Variants in CYP27A1 observed in about 807,000 individuals in gnomAD.
The protein encoded by CYP27A1 is sterol 26-hydroxylase, mitochondrial.
CYP27A1 carries 46 observed loss-of-function variants against 58.2 expected under a neutral mutation model. The observed-to-expected ratio is 0.79, with a 90% confidence interval of 0.62 to 1.01. The LOEUF (loss-of-function observed/expected upper bound fraction) is 1.01. Ranked by LOEUF, CYP27A1 falls within the 50% of genes least tolerant of loss-of-function variation. The pLI, the probability that CYP27A1 is intolerant of heterozygous loss-of-function variation, is 0.00. For synonymous variants in CYP27A1, 274 were observed against 285.1 expected (o/e 0.96, Z 0.39); for missense variants, 704 against 687.0 (o/e 1.02, Z -0.28).
At chr2:218,808,985 C>A (rs1485980627) in intron 1 of CYP27A1, among the ~76,000 whole-genome samples, 1 of 151,980 alleles carries the variant, frequency 6.6e-6, no homozygotes, top group South Asian at 2.1e-4. Context: ...CATATGGAAG[C>A]TCAGGAAACT....
intron 2 of CYP27A1, among the ~76,000 whole-genome samples, chr2:218,811,759 T>C (rs1268485385): frequency 6.6e-6 from 1 of 152,218 alleles, no homozygotes; most frequent in Non-Finnish European, 1.5e-5. Context: ...ATTTGACATA[T>C]GGAAGATTCC....
chr2:218,809,445 T>TAC, intron 1 of CYP27A1, 132 bp from the exon 2 acceptor site: 1 of 286,974 alleles, frequency 3.5e-6, no homozygotes, highest in African/African-American at 2.4e-5. Flanking sequence ...CAATGCCCTT[T>TAC]TTTTTTTTTT....
intron 1 of CYP27A1, among the ~76,000 whole-genome samples, chr2:218,789,992 T>C (rs894463842): frequency 1.3e-5 from 2 of 152,268 alleles, no homozygotes; most frequent in African/African-American, 2.4e-5. Context: ...AGTTTGATTA[T>C]GTCACATTTA....
At chr2:218,811,782 T>C (rs1943718320) in intron 2 of CYP27A1, among the ~76,000 whole-genome samples, 1 of 152,238 alleles carries the variant, frequency 6.6e-6, no homozygotes, top group Admixed American at 6.5e-5. Flanking sequence ...AGCTGTATAA[T>C]TCCAAGATAA....
intron 1 of CYP27A1, among the ~76,000 whole-genome samples, chr2:218,807,207 C>G (rs573595077): frequency 6.6e-6 from 1 of 152,040 alleles, no homozygotes; most frequent in Non-Finnish European, 1.5e-5. Flanking sequence ...GATTTGCCCA[C>G]CTCAGCCTCC....
chr2:218,810,068 C>T (rs1943696639), intron 2 of CYP27A1, among the ~76,000 whole-genome samples: 1 of 152,112 alleles, frequency 6.6e-6, no homozygotes, highest in Admixed American at 6.6e-5. Flanking sequence ...CACTTGAGTT[C>T]AGGGGTTCGA....
intron 1 of CYP27A1, among the ~76,000 whole-genome samples, chr2:218,789,221 C>A (rs1437006472): frequency 6.6e-6 from 1 of 152,122 alleles, no homozygotes; most frequent in African/African-American, 2.4e-5. Context: ...ATGGTACATC[C>A]ATATGATGAA....
intron 5 of CYP27A1, 149 bp from the exon 6 acceptor site, chr2:218,813,872 A>T: frequency 3.6e-6 from 3 of 838,010 alleles, no homozygotes; most frequent in East Asian, 2.7e-5. Flanking sequence ...TTTAGCATGG[A>T]GACTGCCATG....
chr2:218,794,201 G>A (rs1943524073), intron 1 of CYP27A1, among the ~76,000 whole-genome samples: 1 of 152,124 alleles, frequency 6.6e-6, no homozygotes, highest in African/African-American at 2.4e-5. Flanking sequence ...CGGACCAGTC[G>A]GAGTTTCTCC....
intron 1 of CYP27A1, among the ~76,000 whole-genome samples, chr2:218,802,814 T>C (rs1943612380): frequency 6.6e-6 from 1 of 152,158 alleles, no homozygotes; most frequent in Non-Finnish European, 1.5e-5. Flanking sequence ...CATCTTTTCT[T>C]GTGGTTAACA....
intron 2 of CYP27A1, among the ~76,000 whole-genome samples, chr2:218,810,403 A>G (rs891415703): frequency 6.6e-6 from 1 of 152,230 alleles, no homozygotes; most frequent in Admixed American, 6.5e-5. Flanking sequence ...TCGGAGCTAA[A>G]CATTATGTAG....
rs1336195383 is a variant in CYP27A1 at position 218,800,037 on chromosome 2, A to G, written c.256-9540A>G. Among the ~76,000 whole-genome samples the G allele has an allele frequency of 4.6e-5, 7 of 152,278 alleles. No individual in the cohort carries two copies. The East Asian group carries it at 1.4e-3, about 29-fold the overall frequency. Reference sequence around the variant, plus strand: ...AAACACAAGGAGACAGATGACTGCAATGCAAGTTGTGGGGTACCTCCATTG... The same window carrying G: ...AAACACAAGGAGACAGATGACTGCAGTGCAAGTTGTGGGGTACCTCCATTG... On this transcript the variant is annotated intron_variant, in intron 1 of 8. Transcript: ENST00000258415.
At chr2:218,803,190 C>T (rs1451572881) in intron 1 of CYP27A1, among the ~76,000 whole-genome samples, 2 of 152,122 alleles carry the variant, frequency 1.3e-5, no homozygotes, top group Admixed American at 6.5e-5. Flanking sequence ...AACTCCTGGA[C>T]TCGAGTGATC....
At chr2:218,794,225 TA>T (rs1241866720) in intron 1 of CYP27A1, among the ~76,000 whole-genome samples, 1 of 152,182 alleles carries the variant, frequency 6.6e-6, no homozygotes, top group Non-Finnish European at 1.5e-5. Flanking sequence ...GACCTCTTTT[TA>T]CTTGGCTGTC....
chr2:218,801,006 T>G (rs556703311), intron 1 of CYP27A1, among the ~76,000 whole-genome samples: 1 of 152,370 alleles, frequency 6.6e-6, no homozygotes, highest in South Asian at 2.1e-4. Context: ...AGATTTTTTA[T>G]GTATAAAGCT....
intron 1 of CYP27A1, among the ~76,000 whole-genome samples, chr2:218,789,607 T>C (rs1457304394): frequency 6.6e-6 from 1 of 152,256 alleles, no homozygotes; most frequent in Non-Finnish European, 1.5e-5. Context: ...CTACAGTCTG[T>C]ATACAACTCC....
chr2:218,791,836 G>A (rs1406954356), intron 1 of CYP27A1, among the ~76,000 whole-genome samples: 7 of 152,224 alleles, frequency 4.6e-5, no homozygotes, highest in East Asian at 1.9e-4. Context: ...GAAAATACAC[G>A]GTGGCATGAT....
chr2:218,808,924 A>C (rs1338244486), intron 1 of CYP27A1, among the ~76,000 whole-genome samples: 1 of 152,188 alleles, frequency 6.6e-6, no homozygotes, highest in Non-Finnish European at 1.5e-5. Flanking sequence ...CATGGCCAGT[A>C]CTTTTTTTTA....
chr2:218,782,430 A>C lies in CYP27A1; in HGVS notation c.248A>C (p.Gln83Pro), dbSNP rs185591162. The C allele has an allele frequency of 4.3e-6, 7 of 1,614,210 alleles. No homozygotes were observed. The highest frequency in any genetic ancestry group is 1.7e-4 in the Middle Eastern group (1 of 6,060). ...CAAGGCTATGCCCTGCAACTGCACC[A>C]GTTACAGGTAACCCGCGGGGGCATC... ...FVQGYALQLH[Q>P]LQVLYKAKYG... The change falls in exon 1 of 9, where the codon CAG (glutamine) becomes CCG (proline). Residue 83 changes from glutamine to proline, a missense_variant. Coordinates refer to ENST00000258415, the MANE Select transcript of CYP27A1 (RefSeq NM_000784.4). The surrounding 1 kb of genome is among the most constrained non-coding windows in gnomAD (Gnocchi z 4.1).
Sources: gnomAD v4.1 joint callset for allele counts (sites outside exome capture counted in the v4.1 genomes callset) on GRCh38, gnomAD v4.1.1 for gene constraint, Gnocchi (gnomAD v3.1) non-coding constraint, MANE v1.5 for transcripts, NCBI Gene and HGNC (gene_info 2026-07-23, HGNC 2026-07-21) for gene names.